Variants in DLG2 observed in about 807,000 individuals in gnomAD.
The protein encoded by DLG2 is discs large MAGUK scaffold protein 2.
In DLG2, 45 loss-of-function variants were observed where a neutral mutation model predicts 132.5. The ratio of observed to expected loss-of-function variants is 0.34; its 90% CI spans 0.27 to 0.44. The LOEUF (loss-of-function observed/expected upper bound fraction) is 0.44. Among genes scored for constraint, DLG2 ranks in the 20% least tolerant of loss-of-function variants. The pLI, the probability that DLG2 is intolerant of heterozygous loss-of-function variation, is 1.00. For synonymous variants in DLG2, 424 were observed against 419.6 expected (o/e 1.01, Z -0.13); for missense variants, 1,045 against 1,196.9 (o/e 0.87, Z 1.87).
At chr11:85,315,715 C>G (rs962806225) in intron 3 of DLG2, among the ~76,000 whole-genome samples, 1 of 151,976 alleles carries the variant, frequency 6.6e-6, no homozygotes, top group Admixed American at 6.6e-5. Flanking sequence ...TCTCAAACTG[C>G]CTATTCTATA....
At chr11:83,971,265 G>A (rs1286779270) in intron 12 of DLG2, among the ~76,000 whole-genome samples, 2 of 152,080 alleles carry the variant, frequency 1.3e-5, no homozygotes, top group African/African-American at 4.8e-5. Flanking sequence ...CATATGTGCA[G>A]CCTGGCTGTG....
At chr11:83,778,970 G>C (rs1475377181) in intron 18 of DLG2, among the ~76,000 whole-genome samples, 1 of 152,094 alleles carries the variant, frequency 6.6e-6, no homozygotes, top group Non-Finnish European at 1.5e-5. Context: ...GCCTTTTTCT[G>C]TTAGTAGAAT....
intron 6 of DLG2, among the ~76,000 whole-genome samples, chr11:84,671,723 T>G (rs1418845137): frequency 6.6e-6 from 1 of 152,166 alleles, no homozygotes; most frequent in Non-Finnish European, 1.5e-5. Flanking sequence ...TCGCCACTTT[T>G]AATGACTGGT....
At chr11:85,410,374 A>G (rs2089201529) in intron 3 of DLG2, among the ~76,000 whole-genome samples, 1 of 151,754 alleles carries the variant, frequency 6.6e-6, no homozygotes, top group African/African-American at 2.4e-5. Flanking sequence ...TTAAGTACAA[A>G]TCAGGACCAA....
intron 3 of DLG2, among the ~76,000 whole-genome samples, chr11:85,455,507 C>A (rs1477368830): frequency 6.6e-6 from 1 of 152,162 alleles, no homozygotes; most frequent in African/African-American, 2.4e-5. Flanking sequence ...TATTTGGATG[C>A]CTTTTATTTC....
rs570321780 is a variant in DLG2 at position 85,445,632 on chromosome 11, G to A, written c.40+153025C>T. ...GAGGTGGAGGTTGCAGTGAGCCGAG[G>A]TTGCACCACTCCTGTCCAGCCTGGG... On this transcript the variant is annotated intron_variant, in intron 3 of 27. Transcript: ENST00000376104. 2.6e-5 allele frequency among the ~76,000 whole-genome samples: 4 copies of A among 152,196 alleles called. 1 individual carries two copies. Among genetic ancestry groups the A allele is most frequent in the African/African-American group, 9.6e-5 (4 of 41,532 alleles).
At chr11:85,532,168 C>T (rs1009544107) in intron 3 of DLG2, among the ~76,000 whole-genome samples, 17 of 152,052 alleles carry the variant, frequency 1.1e-4, no homozygotes, top group African/African-American at 3.9e-4. Context: ...GCAGTATATA[C>T]AAAAGAAAAA....
At chr11:84,609,270 G>A (rs950860785) in intron 6 of DLG2, among the ~76,000 whole-genome samples, 2 of 151,996 alleles carry the variant, frequency 1.3e-5, no homozygotes, top group Non-Finnish European at 2.9e-5. Flanking sequence ...TATATTGGGT[G>A]CAATAATAGA....
chr11:83,880,214 G>A (rs1050237534), intron 15 of DLG2, among the ~76,000 whole-genome samples: 1 of 152,100 alleles, frequency 6.6e-6, no homozygotes, highest in African/African-American at 2.4e-5. Flanking sequence ...GGGGAATAAA[G>A]GGGTCAAGAT....
intron 11 of DLG2, among the ~76,000 whole-genome samples, chr11:84,039,151 T>G (rs1036331748): frequency 1.3e-5 from 2 of 152,082 alleles, no homozygotes; most frequent in African/African-American, 2.4e-5. Context: ...TTTTATTCAT[T>G]CAGTACTTTA....
intron 3 of DLG2, among the ~76,000 whole-genome samples, chr11:85,519,369 A>G (rs559291355): frequency 6.6e-6 from 1 of 152,200 alleles, no homozygotes; most frequent in Non-Finnish European, 1.5e-5. Flanking sequence ...GATGTGAGAC[A>G]TGGAGTCAAA....
chr11:83,996,144 G>C (rs996214834), intron 11 of DLG2, among the ~76,000 whole-genome samples: 10 of 151,954 alleles, frequency 6.6e-5, no homozygotes, highest in African/African-American at 2.4e-4. Flanking sequence ...ACAATAATAT[G>C]ATAAAAAGAT....
At chr11:84,424,250 T>G (rs893588157) in intron 7 of DLG2, among the ~76,000 whole-genome samples, 1 of 152,110 alleles carries the variant, frequency 6.6e-6, no homozygotes, top group Non-Finnish European at 1.5e-5. Flanking sequence ...GTTGCTATAT[T>G]AGGGCAGAAA....
intron 8 of DLG2, among the ~76,000 whole-genome samples, chr11:84,204,112 C>T (rs1245715889): frequency 6.6e-6 from 1 of 152,096 alleles, no homozygotes; most frequent in Non-Finnish European, 1.5e-5. Context: ...TGCCCACCAC[C>T]ATGCCCGGCT....
chr11:83,620,646 G>A (rs943827851), intron 19 of DLG2, among the ~76,000 whole-genome samples: 4 of 151,852 alleles, frequency 2.6e-5, no homozygotes, highest in South Asian at 2.1e-4. Flanking sequence ...CGAGGCGGGC[G>A]GATCACGAGG....
At chr11:83,522,674 C>T (rs548977182) in intron 21 of DLG2, among the ~76,000 whole-genome samples, 2 of 152,076 alleles carry the variant, frequency 1.3e-5, no homozygotes, top group Non-Finnish European at 2.9e-5. Context: ...TAGTCCTGGC[C>T]TTCAAGGAAC....
intron 6 of DLG2, among the ~76,000 whole-genome samples, chr11:84,885,834 A>C (rs1047066189): frequency 2.1e-5 from 3 of 143,032 alleles, no homozygotes; most frequent in Non-Finnish European, 4.6e-5. Flanking sequence ...ATTTCAAATC[A>C]TTACCAGGGG....
chr11:85,048,918 G>A (rs1263075079), intron 6 of DLG2, among the ~76,000 whole-genome samples: 2 of 151,926 alleles, frequency 1.3e-5, no homozygotes, highest in Admixed American at 1.3e-4. Context: ...TTTTTATATT[G>A]CCTAAAGTTC....
intron 15 of DLG2, among the ~76,000 whole-genome samples, chr11:83,886,685 C>T (rs1374509107): frequency 2.0e-5 from 3 of 151,220 alleles, no homozygotes; most frequent in African/African-American, 7.3e-5. Context: ...CAAAATTGAC[C>T]ACATACTTGG....
Sources: gnomAD v4.1 joint callset for allele counts (sites outside exome capture counted in the v4.1 genomes callset) on GRCh38, gnomAD v4.1.1 for gene constraint, MANE v1.5 for transcripts, NCBI Gene and HGNC (gene_info 2026-07-23, HGNC 2026-07-21) for gene names.